The following DST variants were observed in gnomAD, a reference collection of about 807,000 sequenced individuals.
The protein encoded by DST is dystonin, also known as bullous pemphigoid antigen.
DST carries 253 observed loss-of-function variants against 875.2 expected under a neutral mutation model. The ratio of observed to expected loss-of-function variants is 0.29; its 90% CI spans 0.26 to 0.32. DST has a LOEUF of 0.32. DST is among the 10% of genes least tolerant of loss of function. DST has a pLI of 1.00. For missense variants in DST, 8,287 were observed against 9,111.6 expected (o/e 0.91, Z 3.68); for synonymous variants, 3,124 against 3,197.1 (o/e 0.98, Z 0.77).
At chr6:56,632,108 A>C in intron 28 of DST, 68 bp from the exon 29 acceptor site, 2 of 1,294,466 alleles carry the variant, frequency 1.5e-6, no homozygotes, top group African/African-American at 1.5e-5. Flanking sequence ...TTTATGTTTT[A>C]ATATGAGAAT....
intron 64 of DST, among the ~76,000 whole-genome samples, chr6:56,530,389 CAATA>C (rs2096875124): frequency 6.6e-6 from 1 of 152,086 alleles, no homozygotes; most frequent in Non-Finnish European, 1.5e-5. Context: ...ACAATACTTC[CAATA>C]GTTACAGTTA....
chr6:56,497,318 C>T (rs2095950716), intron 82 of DST, 61 bp downstream of exon 82: 5 of 1,572,034 alleles, frequency 3.2e-6, no homozygotes, highest in South Asian at 2.3e-5. Context: ...ATCGCCAGGG[C>T]CCATATAACA....
chr6:56,787,559 A>G (rs537565044), intron 4 of DST, among the ~76,000 whole-genome samples: 73 of 152,350 alleles, frequency 4.8e-4, no homozygotes, highest in African/African-American at 1.8e-3. Flanking sequence ...ATGGACAAAT[A>G]TGAAATTGTA....
In DST at chr6:56,606,142, T is replaced by A; in HGVS notation, c.8486A>T (p.Gln2829Leu). ...IRDENGKPRC[Q>L]NVAEDMDIQL... ...GATATCCATATCTTCAGCCACATTT[T>A]GGCACCTGGGCTTTCCATTCTCATC... Residue 2829 changes from glutamine to leucine, a missense_variant, in exon 40 of 104, where the codon CAA becomes CTA. This residue lies in a region of DST where 3,138 missense variants were observed against 3,116.6 expected (regional missense o/e 1.01). Coordinates refer to ENST00000680361, the MANE Select transcript of DST (RefSeq NM_001374736.1). 1 of 1,611,522 alleles carries A rather than the reference T, an allele frequency of 6.2e-7. No homozygotes were observed. Among genetic ancestry groups the A allele is most frequent in the Non-Finnish European group, 8.5e-7 (1 of 1,178,430 alleles).
intron 69 of DST, among the ~76,000 whole-genome samples, chr6:56,521,526 T>A (rs1366193935): frequency 7.3e-6 from 1 of 137,762 alleles, no homozygotes; most frequent in Admixed American, 7.7e-5. Context: ...GGTGATACCA[T>A]CTAAGTTGCC....
intron 3 of DST, among the ~76,000 whole-genome samples, chr6:56,867,309 C>A (rs1396783409): frequency 6.6e-6 from 1 of 152,132 alleles, no homozygotes; most frequent in Non-Finnish European, 1.5e-5. Flanking sequence ...AAGCACAGAG[C>A]CTGACTCATA....
chr6:56,850,727 T>C (rs759605114), intron 4 of DST, among the ~76,000 whole-genome samples: 4 of 152,156 alleles, frequency 2.6e-5, no homozygotes, highest in Non-Finnish European at 5.9e-5. Flanking sequence ...TTCAGCTGGG[T>C]AAAACAAGCC....
chr6:56,835,409 A>G (rs1406044167), intron 4 of DST, among the ~76,000 whole-genome samples: 4 of 152,340 alleles, frequency 2.6e-5, no homozygotes, highest in Middle Eastern at 3.4e-3. Flanking sequence ...CAAATGTACC[A>G]CACCAGTACC....
intron 48 of DST, among the ~76,000 whole-genome samples, chr6:56,593,298 G>A (rs188170958): frequency 1.3e-5 from 2 of 152,148 alleles, no homozygotes; most frequent in African/African-American, 4.8e-5. Context: ...AGCGGATCAC[G>A]AGGTCAGGAG....
In DST at chr6:56,611,509, T is replaced by C. The variant is rs1426585477; in HGVS notation, c.5146A>G (p.Lys1716Glu). 8 of 1,599,680 alleles carry C rather than the reference T, an allele frequency of 5.0e-6. No individual in the cohort carries two copies. Among genetic ancestry groups the C allele is most frequent in the East Asian group, 2.2e-5 (1 of 44,732 alleles). ...AAGAGCTAACTACAACCAACATACT[T>C]GTCTCCATGTTTTGCCAAAAAAAGC... Reference protein sequence around the residue: ...IQLFLAKHGDKMTDEERNELE... With the variant: ...IQLFLAKHGDEMTDEERNELE... The change falls in exon 38 of 104, where the codon AAA becomes GAA. Residue 1716 changes from lysine to glutamate, a missense_variant and splice_region_variant. Coordinates refer to ENST00000680361, the MANE Select transcript of DST (RefSeq NM_001374736.1).
At chr6:56,624,162 T>C (rs957812581) in intron 36 of DST, among the ~76,000 whole-genome samples, 3 of 152,132 alleles carry the variant, frequency 2.0e-5, no homozygotes, top group African/African-American at 7.2e-5. Context: ...GTAGACATCA[T>C]ACCAGCAGTA....
chr6:56,891,491 G>A (rs546868713), intron 3 of DST, among the ~76,000 whole-genome samples: 85 of 151,438 alleles, frequency 5.6e-4, no homozygotes, highest in African/African-American at 2.0e-3. Context: ...GGCGTGAACC[G>A]GGAGGTGGAG....
At chr6:56,475,734 T>C (rs188936512) in intron 92 of DST, among the ~76,000 whole-genome samples, 136 of 152,328 alleles carry the variant, frequency 8.9e-4, no homozygotes, top group African/African-American at 3.3e-3. Context: ...CCACATTTAA[T>C]GTGGATACCT....
Position 56,629,229 on chromosome 6 carries a change from T to G in DST, c.4475+21A>C, listed in dbSNP as rs778155123. On this transcript the variant is annotated intron_variant, in intron 32 of 103. Transcript: ENST00000680361. ...ATAGACATTAAATCTGTGCTAAAACTGAACAAAAAAGGATACTAACCTGTT... is the reference window on the plus strand; with the variant it reads ...ATAGACATTAAATCTGTGCTAAAACGGAACAAAAAAGGATACTAACCTGTT... The G allele has an allele frequency of 5.0e-6, 8 of 1,612,778 alleles. No homozygotes were observed. In the South Asian group the frequency reaches 8.8e-5, roughly 18 times the overall value.
At chr6:56,639,044 G>A in intron 22 of DST, 6 of 596,882 alleles carry the variant, frequency 1.0e-5, no homozygotes, top group South Asian at 5.9e-5. Context: ...CTCAGCCACA[G>A]AGGCTGACAA....
intron 5 of DST, among the ~76,000 whole-genome samples, chr6:56,712,153 TTC>T (rs2099369198): frequency 6.6e-6 from 1 of 151,950 alleles, no homozygotes; most frequent in Non-Finnish European, 1.5e-5. Context: ...CTTTCCAGTA[TTC>T]TGTCTGTTTG....
At chr6:56,540,420 G>A (rs2097106419) in intron 61 of DST, 1 of 152,642 alleles carries the variant, frequency 6.6e-6, no homozygotes, top group South Asian at 2.1e-4. Context: ...TGGGCAGAAA[G>A]AGGAGCCTCC....
chr6:56,633,233 C>CTTTTTTTTT lies in DST; in HGVS notation c.3622-205_3622-197dup, dbSNP rs61647189. 0.028 allele frequency among the ~76,000 whole-genome samples: 3,832 copies of CTTTTTTTTT among 137,924 alleles called. 365 individuals are homozygous for CTTTTTTTTT. Among genetic ancestry groups the CTTTTTTTTT allele is most frequent in the African/African-American group, 0.11 (3,502 of 32,272 alleles). The allele number at this position is 137,924 out of a possible 152,430, so 90.5% of individuals were successfully genotyped here. On this transcript the variant is annotated intron_variant, in intron 27 of 103. Transcript: ENST00000680361. ...TTTTGTTTTGAGACGGAGTTTCACTCTTTTTTTTTTTGAGACGGAGTCTCG... is the reference window on the plus strand; with the variant it reads ...TTTTGTTTTGAGACGGAGTTTCACTCTTTTTTTTTTTTTTTTTTTTGAGACGGAGTCTCG...
Position 56,473,864 on chromosome 6 carries a change from A to G in DST, c.21994+9T>C. On this transcript the variant is annotated intron_variant, in intron 93 of 103. Coordinates refer to ENST00000680361, the MANE Select transcript of DST (RefSeq NM_001374736.1). Reference sequence around the variant, plus strand: ...TATTGACATTTTAAAGAAATTGATCACTGCTTACTTCCTGCTCGTCCCTTA... The same window carrying G: ...TATTGACATTTTAAAGAAATTGATCGCTGCTTACTTCCTGCTCGTCCCTTA... 2 of 1,587,150 alleles carry G rather than the reference A, an allele frequency of 1.3e-6. No individual in the cohort carries two copies. Among genetic ancestry groups the G allele is most frequent in the Non-Finnish European group, 1.7e-6 (2 of 1,167,752 alleles).
Sources: allele counts gnomAD v4.1 joint callset (sites outside exome capture counted in the v4.1 genomes callset), GRCh38; gene constraint gnomAD v4.1.1; regional missense constraint gnomAD v4.1.1; transcripts MANE v1.5; gene names NCBI Gene and HGNC (gene_info 2026-07-23, HGNC 2026-07-21).